SPATA13: variants seen among roughly 807,000 people sequenced by gnomAD.
SPATA13 encodes the protein spermatogenesis associated 13.
A neutral mutation model predicts 104.0 loss-of-function variants in SPATA13; 50 were observed. The ratio of observed to expected loss-of-function variants is 0.48; its 90% CI spans 0.38 to 0.61. The LOEUF (loss-of-function observed/expected upper bound fraction) is 0.61, where lower values mean the gene tolerates loss of function less well. SPATA13 is among the 20% of genes least tolerant of loss of function. The pLI is 0.00. For missense variants in SPATA13, 1,524 were observed against 1,690.6 expected, an observed-to-expected ratio of 0.90 and a Z score of 1.73; for synonymous variants, 606 against 667.5, an observed-to-expected ratio of 0.91 and a Z score of 1.42.
intron 4 of SPATA13, chr13:24,278,664 C>T (rs747986432): frequency 6.6e-7 from 1 of 1,508,820 alleles, no homozygotes; most frequent in South Asian, 1.3e-5. Context: ...ACACCAATAA[C>T]AAGTACTTGT....
intron 3 of SPATA13, among the ~76,000 whole-genome samples, chr13:24,019,092 TA>T (rs1291765618): frequency 4.9e-4 from 67 of 135,756 alleles, no homozygotes; most frequent in African/African-American, 1.7e-3. Context: ...TTATTATTAT[TA>T]TTTTTTTTTT....
chr13:24,278,445 A>G lies in SPATA13; in HGVS notation c.2165-5690A>G, dbSNP rs146373450. On this transcript the variant is annotated intron_variant, in intron 4 of 12. Coordinates refer to ENST00000382108, the MANE Select transcript of SPATA13 (RefSeq NM_001166271.3). ...ATAACATCTTGCAATTCTATTTTTAATTTTTTTTTAATTTATAGAGATGGG... is the reference window on the plus strand; with the variant it reads ...ATAACATCTTGCAATTCTATTTTTAGTTTTTTTTTAATTTATAGAGATGGG... 4.6e-5 allele frequency among the ~76,000 whole-genome samples: 7 copies of G among 151,828 alleles called. No homozygotes were observed. In the East Asian group the frequency reaches 1.4e-3, roughly 29 times the overall value.
At chr13:24,061,778 A>G (rs1413632106) in intron 3 of SPATA13, among the ~76,000 whole-genome samples, 1 of 152,086 alleles carries the variant, frequency 6.6e-6, no homozygotes, top group Non-Finnish European at 1.5e-5. Flanking sequence ...ACCAGGCTTC[A>G]TACCTGGGTG....
intron 2 of SPATA13, among the ~76,000 whole-genome samples, chr13:24,006,250 C>T (rs1876222362): frequency 1.3e-5 from 2 of 152,132 alleles, no homozygotes; most frequent in Non-Finnish European, 2.9e-5. Flanking sequence ...TTTTCTTATT[C>T]CCAGTATTCA....
chr13:24,047,092 G>A (rs913939086), intron 3 of SPATA13, among the ~76,000 whole-genome samples: 2 of 152,162 alleles, frequency 1.3e-5, no homozygotes, highest in Admixed American at 6.5e-5. Context: ...GTGGAAAATG[G>A]TCCTGGTGCA....
intron 3 of SPATA13, among the ~76,000 whole-genome samples, chr13:24,057,053 C>A (rs946577621): frequency 4.2e-5 from 6 of 142,084 alleles, no homozygotes; most frequent in African/African-American, 1.6e-4. Flanking sequence ...GCGTCTGGCT[C>A]TTTCTTTTTT....
intron 4 of SPATA13, among the ~76,000 whole-genome samples, chr13:24,256,667 C>CT (rs1207258442): frequency 6.6e-6 from 1 of 152,142 alleles, no homozygotes; most frequent in African/African-American, 2.4e-5. Context: ...CTTTCTCTCA[C>CT]CACTTTTCTC....
At chr13:24,023,353 G>A (rs17350036) in intron 3 of SPATA13, among the ~76,000 whole-genome samples, 1,654 of 152,190 alleles carry the variant, frequency 0.011, 16 homozygotes, top group Middle Eastern at 0.034. Flanking sequence ...GCATAGCTCA[G>A]TAAATTCATT....
At chr13:24,241,214 C>A (rs950166659) in intron 2 of SPATA13, among the ~76,000 whole-genome samples, 1 of 152,176 alleles carries the variant, frequency 6.6e-6, no homozygotes, top group African/African-American at 2.4e-5. Context: ...TTTTTACCTA[C>A]AAGCCATAGA....
At chr13:24,140,696 G>A (rs1319035152) in intron 3 of SPATA13, among the ~76,000 whole-genome samples, 6 of 152,154 alleles carry the variant, frequency 3.9e-5, no homozygotes, top group Non-Finnish European at 7.3e-5. Flanking sequence ...AAACTGCAGC[G>A]TATTTAAGTC....
intron 3 of SPATA13, among the ~76,000 whole-genome samples, chr13:24,032,616 A>T (rs1467069136): frequency 6.6e-6 from 1 of 152,250 alleles, no homozygotes; most frequent in Non-Finnish European, 1.5e-5. Flanking sequence ...TGGAGAGTAT[A>T]GAAGATTTTG....
At chr13:24,101,496 AC>A (rs139037404) in intron 3 of SPATA13, among the ~76,000 whole-genome samples, 54,306 of 151,558 alleles carry the variant, frequency 0.36, 10,180 homozygotes, top group Non-Finnish European at 0.41. Context: ...GTGAAAAAAA[AC>A]AACACATAAA....
intron 3 of SPATA13, among the ~76,000 whole-genome samples, chr13:24,081,866 G>C (rs543150238): frequency 6.6e-6 from 1 of 152,090 alleles, no homozygotes; most frequent in East Asian, 1.9e-4. Context: ...CACTTTCCAC[G>C]CCCACAGACA....
At chr13:24,275,015 G>A (rs909500583) in intron 4 of SPATA13, among the ~76,000 whole-genome samples, 1 of 151,996 alleles carries the variant, frequency 6.6e-6, no homozygotes, top group African/African-American at 2.4e-5. Flanking sequence ...CCCTCACCAG[G>A]ACTACCCTCC....
At chr13:24,152,759 C>T (rs2138472593) in intron 3 of SPATA13, among the ~76,000 whole-genome samples, 1 of 152,322 alleles carries the variant, frequency 6.6e-6, no homozygotes, top group South Asian at 2.1e-4. Context: ...TCACTCTGAG[C>T]AAGGCGCCAG....
intron 1 of SPATA13, among the ~76,000 whole-genome samples, chr13:24,200,250 G>A (rs988125024): frequency 7.9e-5 from 12 of 152,144 alleles, no homozygotes; most frequent in South Asian, 2.1e-4. Flanking sequence ...CCTGGGTGGC[G>A]CAGAAGGATT....
At chr13:24,256,727 C>G (rs1307812498) in intron 4 of SPATA13, among the ~76,000 whole-genome samples, 2 of 152,264 alleles carry the variant, frequency 1.3e-5, no homozygotes, top group Middle Eastern at 6.8e-3. Context: ...ACACAGCCTG[C>G]GAAGGCAGGT....
At chr13:24,172,476 G>T (rs531158249) in intron 1 of SPATA13, among the ~76,000 whole-genome samples, 77 of 152,202 alleles carry the variant, frequency 5.1e-4, no homozygotes, top group African/African-American at 1.8e-3. Flanking sequence ...TTTCTAAAAC[G>T]TTCGTGGTTT....
At chr13:24,253,386 T>C (rs1593464730) in intron 4 of SPATA13, among the ~76,000 whole-genome samples, 1 of 152,120 alleles carries the variant, frequency 6.6e-6, no homozygotes, top group East Asian at 1.9e-4. Flanking sequence ...TCCTCATCAG[T>C]GGCAGCAGAC....
Sources: gnomAD v4.1 joint callset for allele counts (sites outside exome capture counted in the v4.1 genomes callset) on GRCh38, gnomAD v4.1.1 for gene constraint, MANE v1.5 for transcripts, NCBI Gene and HGNC (gene_info 2026-07-23, HGNC 2026-07-21) for gene names.